The following MYZAP variants were observed in gnomAD, a reference collection of about 807,000 sequenced individuals.
The protein encoded by MYZAP is myocardial zonula adherens protein, also known as GRINL1A complex locus upstream.
MYZAP carries 66 observed loss-of-function variants against 69.4 expected under a neutral mutation model. The ratio of observed to expected loss-of-function variants is 0.95; its 90% CI spans 0.78 to 1.17. MYZAP has a LOEUF of 1.17. MYZAP is among the 50% of genes most tolerant of loss of function. The probability of loss-of-function intolerance (pLI) is 0.00; values close to 1 mark genes in which losing one functional copy is unlikely to be tolerated. For synonymous variants in MYZAP, 256 were observed against 205.9 expected (o/e 1.24, Z -2.09); for missense variants, 611 against 556.2 (o/e 1.10, Z -0.99).
chr15:57,670,446 C>G (rs1269602865), intron 11 of MYZAP, among the ~76,000 whole-genome samples: 2 of 151,994 alleles, frequency 1.3e-5, no homozygotes, highest in African/African-American at 2.4e-5. Context: ...ATATATTATT[C>G]CAGCCACTTA....
intron 8 of MYZAP, among the ~76,000 whole-genome samples, chr15:57,635,013 G>T (rs534268168): frequency 6.6e-6 from 1 of 152,256 alleles, no homozygotes; most frequent in African/African-American, 2.4e-5. Context: ...AGGTTTTTCT[G>T]CAGCGTAAAG....
intron 2 of MYZAP, among the ~76,000 whole-genome samples, chr15:57,604,846 C>T (rs540011175): frequency 6.6e-6 from 1 of 152,320 alleles, no homozygotes; most frequent in Non-Finnish European, 1.5e-5. Flanking sequence ...ATTCGGCAAA[C>T]ATTTTTGTGA....
intron 12 of MYZAP, among the ~76,000 whole-genome samples, chr15:57,682,177 C>G (rs1189262581): frequency 6.6e-6 from 1 of 152,150 alleles, no homozygotes; most frequent in Non-Finnish European, 1.5e-5. Context: ...TCTAGCAACC[C>G]TGCCTGAGCT....
chr15:57,663,073 G>A (rs2038391424), intron 11 of MYZAP, among the ~76,000 whole-genome samples: 1 of 152,162 alleles, frequency 6.6e-6, no homozygotes, highest in Non-Finnish European at 1.5e-5. Flanking sequence ...CCTGTGGGAG[G>A]AAGCACACCT....
intron 7 of MYZAP, 47 bp from the exon 8 acceptor site, chr15:57,633,565 GC>G (rs2036632065): frequency 6.4e-7 from 1 of 1,565,352 alleles, no homozygotes; most frequent in Non-Finnish European, 8.6e-7. Context: ...CCGGTGAGTA[GC>G]CTCGGTACTC....
At chr15:57,677,952 C>A (rs1195233609) in intron 12 of MYZAP, among the ~76,000 whole-genome samples, 1 of 150,296 alleles carries the variant, frequency 6.7e-6, no homozygotes, top group African/African-American at 2.5e-5. Flanking sequence ...ACCTGTATTG[C>A]CAGCACTTTG....
At position 57,618,145 on chromosome 15, in the gene MYZAP, G is replaced by T; in HGVS notation, c.275G>T (p.Trp92Leu). The change falls in exon 3 of 13, where the codon TGG becomes TTG. Residue 92 changes from tryptophan to leucine, a missense_variant. Coordinates refer to ENST00000267853, the MANE Select transcript of MYZAP (RefSeq NM_001018100.5). ...NQQKEMVVYGWSTSQLKEEMN... is the reference protein window; with the variant it reads ...NQQKEMVVYGLSTSQLKEEMN... ...CAGAAAGAAATGGTGGTGTATGGGT[G>T]GTCCACCAGTCAGCTGAAAGAAGAG... 6.2e-7 allele frequency: 1 copy of T among 1,614,128 alleles called. No individual in the cohort carries two copies. The highest frequency in any genetic ancestry group is 8.5e-7 in the Non-Finnish European group (1 of 1,180,010).
At chr15:57,597,634 G>C (rs1347552048) in intron 1 of MYZAP, among the ~76,000 whole-genome samples, 2 of 152,162 alleles carry the variant, frequency 1.3e-5, no homozygotes, top group Non-Finnish European at 2.9e-5. Flanking sequence ...TGTGTGCCTA[G>C]TACAGAACAC....
chr15:57,599,658 C>A (rs144885961), intron 1 of MYZAP: 4 of 1,289,168 alleles, frequency 3.1e-6, no homozygotes, highest in Non-Finnish European at 4.0e-6. Flanking sequence ...ATTGTGTATC[C>A]GAGTTTCAGG....
intron 6 of MYZAP, among the ~76,000 whole-genome samples, chr15:57,630,268 C>T (rs992454883): frequency 6.6e-6 from 1 of 152,140 alleles, no homozygotes; most frequent in South Asian, 2.1e-4. Context: ...GTGCTTGGCC[C>T]AGTTTGGGGC....
rs2033699758 is a variant in MYZAP, at chr15:57,592,023, C to T, written c.-12C>T. 1.4e-6 allele frequency: 2 copies of T among 1,434,916 alleles called. No individual in the cohort carries two copies. Among genetic ancestry groups the T allele is most frequent in the Non-Finnish European group, 1.8e-6 (2 of 1,098,370 alleles). 88.9% of individuals were successfully genotyped at this position (1,434,916 alleles called of 1,614,324 possible). A position where few individuals can be genotyped will look rare whatever the true frequency, so the allele number is the denominator to read the frequency against. Reference sequence around the variant, plus strand: ...CGCCGGCGTCCAGCCCGCTACCGACCGCCGCTGCGGGATGCTGCGCTCCAC... The same window carrying T: ...CGCCGGCGTCCAGCCCGCTACCGACTGCCGCTGCGGGATGCTGCGCTCCAC... On this transcript the variant is annotated 5_prime_UTR_variant, in exon 1 of 13. Coordinates refer to ENST00000267853, the MANE Select transcript of MYZAP (RefSeq NM_001018100.5).
At chr15:57,641,122 A>G (rs1237782606) in intron 10 of MYZAP, among the ~76,000 whole-genome samples, 17 of 152,210 alleles carry the variant, frequency 1.1e-4, no homozygotes, top group African/African-American at 4.1e-4. Flanking sequence ...CCACCTCACC[A>G]CAGGGGGGTG....
intron 6 of MYZAP, among the ~76,000 whole-genome samples, chr15:57,631,246 A>G (rs1334489457): frequency 6.6e-6 from 1 of 152,042 alleles, no homozygotes; most frequent in Non-Finnish European, 1.5e-5. Context: ...TGTCTACTCT[A>G]TGTGTGTGTC....
intron 1 of MYZAP, among the ~76,000 whole-genome samples, chr15:57,602,022 C>G (rs2034448322): frequency 6.6e-6 from 1 of 152,104 alleles, no homozygotes. Flanking sequence ...TTGGTGCCAC[C>G]TGTCAGGTAC....
In MYZAP at chr15:57,670,384, A is replaced by G. The variant is rs146392537; in HGVS notation, c.1204-4584A>G. ...ACTCTTTGTCTTGATATCTATTTTA[A>G]CTGATATGAATGTAGCCATTTTTAC... is the stretch of plus-strand genomic sequence containing the variant. On this transcript the variant is annotated intron_variant, in intron 11 of 12. Transcript: ENST00000267853. 1.4e-3 allele frequency among the ~76,000 whole-genome samples: 211 copies of G among 152,052 alleles called. 2 individuals carry two copies. Among genetic ancestry groups the G allele is most frequent in the Admixed American group, 3.7e-3 (56 of 15,274 alleles).
chr15:57,681,430 C>T (rs2039435676), intron 12 of MYZAP, among the ~76,000 whole-genome samples: 1 of 152,230 alleles, frequency 6.6e-6, no homozygotes, highest in African/African-American at 2.4e-5. Context: ...ATGTGGCTTT[C>T]ACCCTTAAAG....
At chr15:57,612,743 G>C (rs1414511573) in intron 2 of MYZAP, among the ~76,000 whole-genome samples, 1 of 152,160 alleles carries the variant, frequency 6.6e-6, no homozygotes, top group African/African-American at 2.4e-5. Flanking sequence ...TAAGGCACTG[G>C]CTGCCAGATG....
At chr15:57,667,394 C>T (rs1355554424) in intron 11 of MYZAP, among the ~76,000 whole-genome samples, 1 of 152,190 alleles carries the variant, frequency 6.6e-6, no homozygotes, top group Non-Finnish European at 1.5e-5. Flanking sequence ...TCGTGAAAGG[C>T]ACATGTGCCT....
intron 10 of MYZAP, among the ~76,000 whole-genome samples, chr15:57,645,874 C>T (rs1224452649): frequency 2.0e-5 from 3 of 152,144 alleles, no homozygotes; most frequent in South Asian, 2.1e-4. Flanking sequence ...ATACAAAAAG[C>T]GATTTTTAAG....
Sources: allele counts gnomAD v4.1 joint callset (sites outside exome capture counted in the v4.1 genomes callset), GRCh38; gene constraint gnomAD v4.1.1; transcripts MANE v1.5; gene names NCBI Gene and HGNC (gene_info 2026-07-23, HGNC 2026-07-21).